Variants in SPIDR observed in about 807,000 individuals in gnomAD.
SPIDR encodes scaffold protein involved in DNA repair.
In SPIDR, 93 loss-of-function variants were observed where a neutral mutation model predicts 104.6. That is an observed-to-expected ratio of 0.89 (90% CI 0.75 to 1.06). SPIDR has a LOEUF of 1.06. SPIDR is among the 50% of genes least tolerant of loss of function. The pLI is 0.00. For missense variants in SPIDR, 1,154 were observed against 1,111.2 expected (o/e 1.04, Z -0.55); for synonymous variants, 431 against 416.9 (o/e 1.03, Z -0.41).
intron 7 of SPIDR, among the ~76,000 whole-genome samples, chr8:47,418,420 T>A (rs1334439184): frequency 6.6e-6 from 1 of 152,198 alleles, no homozygotes; most frequent in Non-Finnish European, 1.5e-5. Flanking sequence ...TGTGGCTCTC[T>A]GTTTGTTATT....
At chr8:47,368,795 T>C (rs952546922) in intron 5 of SPIDR, among the ~76,000 whole-genome samples, 32 of 152,228 alleles carry the variant, frequency 2.1e-4, no homozygotes, top group Non-Finnish European at 4.3e-4. Context: ...TGAATGTTTA[T>C]TAGCATCAAA....
At chr8:47,315,879 A>G (rs1554589143) in intron 5 of SPIDR, among the ~76,000 whole-genome samples, 2 of 152,182 alleles carry the variant, frequency 1.3e-5, no homozygotes, top group Non-Finnish European at 2.9e-5. Context: ...TCATAGATCT[A>G]TATGTTGAAG....
At chr8:47,716,192 T>C (rs957984694) in intron 16 of SPIDR, among the ~76,000 whole-genome samples, 3 of 152,098 alleles carry the variant, frequency 2.0e-5, no homozygotes, top group Admixed American at 6.6e-5. Context: ...ACTCCTGACC[T>C]CAGGTGATCC....
chr8:47,546,369 C>G (rs776927573), intron 8 of SPIDR, among the ~76,000 whole-genome samples: 2 of 152,102 alleles, frequency 1.3e-5, no homozygotes, highest in Non-Finnish European at 2.9e-5. Context: ...GTTTATTTTA[C>G]CTAACATGTC....
At chr8:47,573,989 C>A (rs1007654440) in intron 8 of SPIDR, among the ~76,000 whole-genome samples, 4 of 152,184 alleles carry the variant, frequency 2.6e-5, no homozygotes, top group Admixed American at 2.6e-4. Flanking sequence ...GTTCCTACTG[C>A]TTTAAGAATT....
At chr8:47,712,932 C>T in intron 15 of SPIDR, 60 bp downstream of exon 15, 2 of 1,596,992 alleles carry the variant, frequency 1.3e-6, no homozygotes, top group Non-Finnish European at 1.7e-6. Flanking sequence ...CATAGAATAC[C>T]TCTTGTGGCC....
intron 5 of SPIDR, among the ~76,000 whole-genome samples, chr8:47,394,025 G>A (rs2060954191): frequency 6.6e-6 from 1 of 152,002 alleles, no homozygotes; most frequent in African/African-American, 2.4e-5. Flanking sequence ...TCCTGCCTCA[G>A]CTTGCCCAAT....
At chr8:47,701,261 C>T (rs972965071) in intron 12 of SPIDR, among the ~76,000 whole-genome samples, 3 of 152,162 alleles carry the variant, frequency 2.0e-5, no homozygotes, top group Non-Finnish European at 4.4e-5. Context: ...GGAGAAACCC[C>T]GTCTCTACTA....
intron 8 of SPIDR, among the ~76,000 whole-genome samples, chr8:47,535,959 A>G (rs1225474405): frequency 6.6e-6 from 1 of 152,180 alleles, no homozygotes; most frequent in African/African-American, 2.4e-5. Context: ...CTAGGATGTG[A>G]TTATAGCAAG....
chr8:47,711,922 C>T (rs1404756237), intron 14 of SPIDR, among the ~76,000 whole-genome samples: 1 of 152,144 alleles, frequency 6.6e-6, no homozygotes, highest in Non-Finnish European at 1.5e-5. Context: ...CCTTCTCTGC[C>T]CAGTCCTGTT....
chr8:47,690,844 T>C (rs1389365006), intron 11 of SPIDR, among the ~76,000 whole-genome samples: 2 of 152,134 alleles, frequency 1.3e-5, no homozygotes, highest in Non-Finnish European at 2.9e-5. Flanking sequence ...CTAGCAGATG[T>C]CCTGTAAAAT....
chr8:47,386,474 G>A (rs1361207045), intron 5 of SPIDR, among the ~76,000 whole-genome samples: 1 of 152,140 alleles, frequency 6.6e-6, no homozygotes, highest in African/African-American at 2.4e-5. Flanking sequence ...ATTCACTGAG[G>A]AAATCAGGTG....
At chr8:47,303,389 T>A (rs1335045237) in intron 5 of SPIDR, among the ~76,000 whole-genome samples, 2 of 152,204 alleles carry the variant, frequency 1.3e-5, no homozygotes, top group East Asian at 3.9e-4. Flanking sequence ...CCCCTTGCAC[T>A]TCCCGGGTGA....
chr8:47,420,445 T>G (rs2065221723), intron 7 of SPIDR, among the ~76,000 whole-genome samples: 1 of 152,158 alleles, frequency 6.6e-6, no homozygotes, highest in Non-Finnish European at 1.5e-5. Flanking sequence ...AACCCCTGCC[T>G]TTTTTTGTTT....
intron 5 of SPIDR, among the ~76,000 whole-genome samples, chr8:47,316,676 G>A (rs782551217): frequency 3.3e-5 from 5 of 152,178 alleles, no homozygotes; most frequent in Non-Finnish European, 7.3e-5. Flanking sequence ...AGAAAAAGCA[G>A]TGCTGTCTTC....
chr8:47,407,855 A>T lies in SPIDR; in HGVS notation c.777-6A>T. 6.4e-7 allele frequency: 1 copy of T among 1,566,418 alleles called. No homozygotes were observed. The highest frequency in any genetic ancestry group is 1.4e-5 in the African/African-American group (1 of 73,892). On this transcript the variant is annotated splice_region_variant and splice_polypyrimidine_tract_variant and intron_variant, in intron 6 of 19. Transcript: ENST00000297423. Reference sequence around the variant, plus strand: ...TAAACTTAATACATTATAATTCATTAAACAGAGGTGGACTAGCAGAAAGAC... The same window carrying T: ...TAAACTTAATACATTATAATTCATTTAACAGAGGTGGACTAGCAGAAAGAC...
intron 5 of SPIDR, among the ~76,000 whole-genome samples, chr8:47,367,267 A>G (rs2057352204): frequency 6.6e-6 from 1 of 152,232 alleles, no homozygotes; most frequent in Non-Finnish European, 1.5e-5. Context: ...GATAGCCAAC[A>G]AGGAAACAGG....
intron 8 of SPIDR, among the ~76,000 whole-genome samples, chr8:47,551,337 A>G (rs977604311): frequency 1.3e-5 from 2 of 152,214 alleles, no homozygotes; most frequent in African/African-American, 4.8e-5. Flanking sequence ...ATAGTTTCAG[A>G]ACCAATGGTA....
chr8:47,450,295 A>T (rs1554705059), intron 8 of SPIDR, among the ~76,000 whole-genome samples: 2 of 152,214 alleles, frequency 1.3e-5, no homozygotes, highest in Non-Finnish European at 2.9e-5. Context: ...AAGAGAGCAC[A>T]AAAGCAAGAG....
Sources: allele counts gnomAD v4.1 joint callset (sites outside exome capture counted in the v4.1 genomes callset), GRCh38; gene constraint gnomAD v4.1.1; transcripts MANE v1.5; gene names NCBI Gene and HGNC (gene_info 2026-07-23, HGNC 2026-07-21).